The following DMBT1 variants were observed in gnomAD, a reference collection of about 807,000 sequenced individuals.
DMBT1 encodes deleted in malignant brain tumors 1.
A neutral mutation model predicts 252.9 loss-of-function variants in DMBT1; 198 were observed. The ratio of observed to expected loss-of-function variants is 0.78; its 90% CI spans 0.70 to 0.88. The LOEUF (loss-of-function observed/expected upper bound fraction) is 0.88, where lower values mean the gene tolerates loss of function less well. Among genes scored for constraint, DMBT1 ranks in the 40% least tolerant of loss-of-function variants. DMBT1 has a pLI of 0.00. For missense variants in DMBT1, 2,432 were observed against 2,404.7 expected (o/e 1.01, Z -0.24); for synonymous variants, 990 against 942.7 (o/e 1.05, Z -0.92).
chr10:122,635,107 CCAGCATCTT>C (rs2098215796), intron 52 of DMBT1, among the ~76,000 whole-genome samples: 1 of 152,190 alleles, frequency 6.6e-6, no homozygotes, highest in African/African-American at 2.4e-5. Context: ...GGTTCTTTAA[CCAGCATCTT>C]GATAGCAATG....
At chr10:122,584,835 G>A (rs1171726022) in intron 14 of DMBT1, among the ~76,000 whole-genome samples, 1 of 149,282 alleles carries the variant, frequency 6.7e-6, no homozygotes, top group African/African-American at 2.4e-5. Context: ...GCATCCAGAA[G>A]AGGCATAGGC....
rs754886919 is a variant in DMBT1, at chr10:122,586,068, T to C, written c.1468T>C (p.Ser490Pro). ...TLPASTVGSE[S>P]SLALRLVNGG... ...CTTGTTTTCCCCTGTAGGATCTGAA[T>C]CCAGTTTGGCCCTGAGGCTGGTGAA... Residue 490 changes from serine to proline, a missense_variant, in exon 16 of 56, where the codon TCC becomes CCC. Ser to Pro is a moderately conservative substitution (Grantham distance 74). Transcript: ENST00000338354. 3.8e-6 allele frequency: 6 copies of C among 1,588,740 alleles called. 2 individuals are homozygous for C. The South Asian group carries it at 5.7e-5, about 15-fold the overall frequency.
chr10:122,598,931 G>T lies in DMBT1; in HGVS notation c.3114G>T (p.Trp1038Cys). ...TCTGCAGGCAACTGGGCTGTGGCTGGGCCATGTCAGCCCCAGGAAATGCCC... is the reference window on the plus strand; with the variant it reads ...TCTGCAGGCAACTGGGCTGTGGCTGTGCCATGTCAGCCCCAGGAAATGCCC... Reference protein sequence around the residue: ...NVVCRQLGCGWAMSAPGNARF... With the variant: ...NVVCRQLGCGCAMSAPGNARF... Residue 1038 changes from tryptophan to cysteine, a missense_variant, in exon 26 of 56, where the codon TGG (tryptophan) becomes TGT (cysteine). Physicochemically the swap from Trp to Cys is radical, Grantham distance 215 (BLOSUM62 -2). Transcript: ENST00000338354. The T allele has an allele frequency of 2.5e-6, 4 of 1,613,770 alleles. No individual in the cohort carries two copies. Among genetic ancestry groups the T allele is most frequent in the Non-Finnish European group, 3.4e-6 (4 of 1,179,742 alleles).
intron 42 of DMBT1, 37 bp from the exon 43 acceptor site, chr10:122,620,216 G>A: frequency 6.2e-7 from 1 of 1,610,776 alleles, no homozygotes; most frequent in East Asian, 2.2e-5. Context: ...CCTCCCTCAA[G>A]TCTAATTTTG....
rs1029945612 is a variant in DMBT1, at chr10:122,574,289, G to A, written c.283+527G>A. Among the ~76,000 whole-genome samples, 4 of 152,210 alleles carry A rather than the reference G, an allele frequency of 2.6e-5. 1 individual carries two copies. The highest frequency in any genetic ancestry group is 9.6e-5 in the African/African-American group (4 of 41,460). ...CTTCCCCCTTGGGTATCTCCAGTGA[G>A]AAATCTGGGAGACATAGTCAATACA... On this transcript the variant is annotated intron_variant, in intron 6 of 55. Transcript: ENST00000338354.
At chr10:122,630,639 G>A (rs2098155617) in intron 48 of DMBT1, 149 bp downstream of exon 48, 1 of 949,912 alleles carries the variant, frequency 1.1e-6, no homozygotes. Context: ...GTGTGGGCAG[G>A]CCCTTGGGAA....
At chr10:122,592,178 C>A (rs963476914) in intron 19 of DMBT1, 94 bp from the exon 20 acceptor site, 3 of 1,528,314 alleles carry the variant, frequency 2.0e-6, no homozygotes, top group South Asian at 2.6e-5. Context: ...GTCCAGGCGA[C>A]CTTGGCCATT....
chr10:122,621,401 G>A (rs569986515), intron 44 of DMBT1, 21 bp downstream of exon 44: 21 of 1,613,772 alleles, frequency 1.3e-5, no homozygotes, highest in Non-Finnish European at 1.4e-5. Flanking sequence ...AAGACCTGGG[G>A]CTCCCTCTCT....
chr10:122,566,187 A>T (rs988133112), intron 2 of DMBT1, among the ~76,000 whole-genome samples, 191 bp downstream of exon 2: 5 of 152,204 alleles, frequency 3.3e-5, no homozygotes, highest in African/African-American at 9.6e-5. Flanking sequence ...CACTCGGCCA[A>T]TCCCAGCTGT....
In DMBT1 at chr10:122,597,054, G is replaced by GAT. The variant is rs2133598357; in HGVS notation, c.2917_2917+1insAT (p.Leu975HisfsTer12). The stretch of plus-strand genomic sequence containing the variant: ...CCACTCCTGGTCGACGCCCAGTCCA[G>GAT]GTGAGTCCCCAGTGTCCTTCCTTGG... On this transcript the variant is annotated frameshift_variant and splice_region_variant. Coordinates refer to ENST00000338354, the MANE Select transcript of DMBT1 (RefSeq NM_001377530.1). LOFTEE classifies it high-confidence loss of function. 1.8e-6 allele frequency: 1 copy of GAT among 552,364 alleles called. No homozygotes were observed. Among genetic ancestry groups the GAT allele is most frequent in the South Asian group, 2.3e-5 (1 of 42,976 alleles). 34.2% of individuals were successfully genotyped at this position (552,364 alleles called of 1,614,324 possible).
chr10:122,586,454 A>G lies in DMBT1; in HGVS notation c.1783+71A>G, dbSNP rs1591308356. 2.2e-5 allele frequency: 35 copies of G among 1,556,448 alleles called. 2 individuals are homozygous for G. Among genetic ancestry groups the G allele is most frequent in the Admixed American group, 5.4e-5 (3 of 55,676 alleles). On this transcript the variant is annotated intron_variant, in intron 16 of 55. Transcript: ENST00000338354. ...CTCAGGAAGGTTTTATTATGTTCTA[A>G]TCTCCTCACTTAGAGCTTTTTCAAC...
chr10:122,564,823 T>A (rs2097576560), intron 1 of DMBT1, among the ~76,000 whole-genome samples: 1 of 152,236 alleles, frequency 6.6e-6, no homozygotes, highest in South Asian at 2.1e-4. Context: ...GTCTGAGATT[T>A]CTGTTGTACA....
chr10:122,598,213 C>T, intron 25 of DMBT1, among the ~76,000 whole-genome samples: 1 of 151,988 alleles, frequency 6.6e-6, no homozygotes, highest in East Asian at 1.9e-4. Flanking sequence ...GACTTGTCTC[C>T]CGTGGAATCC....
At chr10:122,637,069 C>T (rs1419174340) in intron 53 of DMBT1, 59 bp from the exon 54 acceptor site, 90 of 1,532,268 alleles carry the variant, frequency 5.9e-5, no homozygotes, top group East Asian at 2.0e-4. Flanking sequence ...CCTCTGGCCC[C>T]GTAGGACTTG....
chr10:122,621,081 G>C lies in DMBT1; in HGVS notation c.5309G>C (p.Arg1770Thr), dbSNP rs776777502. The C allele has an allele frequency of 1.2e-6, 2 of 1,613,432 alleles. No individual in the cohort carries two copies. The highest frequency in any genetic ancestry group is 1.3e-5 in the African/African-American group (1 of 75,054). ...TVGSESSLALRLVNGGDRCRG... is the reference protein window; with the variant it reads ...TVGSESSLALTLVNGGDRCRG... ...GGATCTGAATCCAGTTTGGCTCTGA[G>C]GCTGGTGAATGGAGGTGACAGGTGT... is the stretch of plus-strand genomic sequence containing the variant. The change falls in exon 44 of 56, where the codon AGG becomes ACG. Residue 1770 changes from arginine (R) to threonine (T), a missense_variant. This residue lies in a region of DMBT1 where 1,162 missense variants were observed against 1,169.0 expected (regional missense o/e 0.99). Transcript: ENST00000338354.
At chr10:122,632,840 A>T in intron 50 of DMBT1, 21 bp from the exon 51 acceptor site, 1 of 1,613,286 alleles carries the variant, frequency 6.2e-7, no homozygotes, top group Non-Finnish European at 8.5e-7. Flanking sequence ...ACTGATCCTG[A>T]TCTTTTCTTT....
intron 1 of DMBT1, among the ~76,000 whole-genome samples, chr10:122,562,260 AAAT>A (rs2097554295): frequency 6.6e-6 from 1 of 151,924 alleles, no homozygotes; most frequent in Non-Finnish European, 1.5e-5. Flanking sequence ...TACAGGGTAA[AAAT>A]CACCTAATTT....
chr10:122,599,301 C>T (rs978343497), intron 26 of DMBT1, among the ~76,000 whole-genome samples: 4 of 152,338 alleles, frequency 2.6e-5, no homozygotes, highest in Admixed American at 6.5e-5. Context: ...CAAACTCAAA[C>T]AACCCAGAGT....
rs1314682837 is a variant in DMBT1 at position 122,588,856 on chromosome 10, C to T, written c.1784-88C>T. On this transcript the variant is annotated intron_variant, in intron 16 of 55. Transcript: ENST00000338354. ...GACTGCCTGCCCAGGTGACTTTGGCCATTAGGAAGTGCCCTGAGTGTGGAA... is the reference window on the plus strand; with the variant it reads ...GACTGCCTGCCCAGGTGACTTTGGCTATTAGGAAGTGCCCTGAGTGTGGAA... The T allele has an allele frequency of 3.8e-6, 6 of 1,567,110 alleles. 1 individual carries two copies. Among genetic ancestry groups the T allele is most frequent in the Non-Finnish European group, 5.2e-6 (6 of 1,154,280 alleles).
Sources: allele counts gnomAD v4.1 joint callset (sites outside exome capture counted in the v4.1 genomes callset), GRCh38; gene constraint gnomAD v4.1.1; regional missense constraint gnomAD v4.1.1; transcripts MANE v1.5; gene names NCBI Gene and HGNC (gene_info 2026-07-23, HGNC 2026-07-21).